Variants in CDIN1 observed in about 807,000 individuals in gnomAD.
CDIN1 encodes the protein CDAN1-interacting nuclease 1.
In CDIN1, 33 loss-of-function variants were observed where a neutral mutation model predicts 45.3. The ratio of observed to expected loss-of-function variants is 0.73; its 90% CI spans 0.55 to 0.97. The LOEUF is 0.97. Among genes scored for constraint, CDIN1 ranks in the 50% least tolerant of loss-of-function variants. CDIN1 has a pLI of 0.00. For missense variants in CDIN1, 303 were observed against 339.4 expected (o/e 0.89, Z 0.84); for synonymous variants, 118 against 124.4 (o/e 0.95, Z 0.34).
chr15:36,740,820 CG>C, intron 10 of CDIN1, among the ~76,000 whole-genome samples: 1 of 150,760 alleles, frequency 6.6e-6, no homozygotes, highest in Non-Finnish European at 1.5e-5. Context: ...ACCCAGGAGG[CG>C]GAGGTTACGG....
intron 10 of CDIN1, among the ~76,000 whole-genome samples, chr15:36,716,232 A>C (rs962626664): frequency 5.9e-5 from 9 of 152,208 alleles, no homozygotes; most frequent in South Asian, 4.1e-4. Flanking sequence ...GGACCAGACA[A>C]TTGTTGAGAG....
At chr15:36,763,408 T>A (rs2053828325) in intron 10 of CDIN1, among the ~76,000 whole-genome samples, 1 of 152,196 alleles carries the variant, frequency 6.6e-6, no homozygotes, top group African/African-American at 2.4e-5. Flanking sequence ...GAGTCAAGAT[T>A]ACATCCAGTT....
intron 10 of CDIN1, among the ~76,000 whole-genome samples, chr15:36,764,846 A>G (rs574791851): frequency 1.3e-5 from 2 of 152,268 alleles, no homozygotes; most frequent in East Asian, 1.9e-4. Flanking sequence ...GAACAGACAC[A>G]TGCCCTTCTT....
intron 1 of CDIN1, among the ~76,000 whole-genome samples, chr15:36,608,314 C>G (rs1466356822): frequency 6.6e-6 from 1 of 152,142 alleles, no homozygotes; most frequent in Non-Finnish European, 1.5e-5. Context: ...GTTTTAATTT[C>G]TCAGAATCAT....
intron 10 of CDIN1, among the ~76,000 whole-genome samples, chr15:36,761,886 G>T (rs775877459): frequency 3.7e-4 from 57 of 152,160 alleles, no homozygotes; most frequent in Non-Finnish European, 7.8e-4. Context: ...AATAGAGATT[G>T]CCACCAATTG....
chr15:36,626,431 C>G (rs907057729), intron 1 of CDIN1, among the ~76,000 whole-genome samples: 1 of 151,572 alleles, frequency 6.6e-6, no homozygotes, highest in Non-Finnish European at 1.5e-5. Flanking sequence ...TATAAAATAC[C>G]TAAGTTTCAA....
intron 4 of CDIN1, among the ~76,000 whole-genome samples, chr15:36,654,529 A>C (rs553090681): frequency 2.8e-4 from 43 of 151,880 alleles, no homozygotes; most frequent in African/African-American, 9.4e-4. Flanking sequence ...AAAAAAAAAA[A>C]AAACTGCTGT....
intron 5 of CDIN1, among the ~76,000 whole-genome samples, chr15:36,666,094 T>C (rs2041237705): frequency 6.6e-6 from 1 of 152,220 alleles, no homozygotes. Context: ...TGCCAAATTA[T>C]ATTGTATCTT....
intron 7 of CDIN1, 106 bp from the exon 8 acceptor site, chr15:36,697,217 A>G: frequency 1.2e-6 from 1 of 831,752 alleles, no homozygotes; most frequent in African/African-American, 1.7e-5. Context: ...TTCCTCCAAG[A>G]TGTGGACTAA....
intron 10 of CDIN1, among the ~76,000 whole-genome samples, chr15:36,788,244 G>C (rs2054557335): frequency 6.7e-6 from 1 of 150,294 alleles, no homozygotes; most frequent in Non-Finnish European, 1.5e-5. Context: ...AGCCTCCCGA[G>C]TAGCTGGGAT....
chr15:36,619,183 T>C (rs1396316137), intron 1 of CDIN1: 31 of 1,253,564 alleles, frequency 2.5e-5, no homozygotes, highest in Non-Finnish European at 3.5e-5. Flanking sequence ...GGAACAGAGA[T>C]GCCAGTTTAG....
intron 10 of CDIN1, among the ~76,000 whole-genome samples, chr15:36,790,962 T>A (rs2054629993): frequency 1.3e-5 from 2 of 152,192 alleles, no homozygotes; most frequent in African/African-American, 4.8e-5. Flanking sequence ...CTAAGCCTAG[T>A]ACCCAATAGT....
intron 10 of CDIN1, among the ~76,000 whole-genome samples, chr15:36,747,856 A>T (rs982008852): frequency 1.8e-4 from 27 of 152,180 alleles, no homozygotes; most frequent in Non-Finnish European, 5.9e-5. Flanking sequence ...TGCTGACCTA[A>T]TACAAGACCT....
In CDIN1 at chr15:36,732,480, C is replaced by A. The variant is rs528748738; in HGVS notation, c.716+22519C>A. 3.9e-5 allele frequency among the ~76,000 whole-genome samples: 6 copies of A among 152,130 alleles called. No individual in the cohort carries two copies. In the South Asian group the frequency reaches 8.3e-4, roughly 21 times the overall value. The stretch of plus-strand genomic sequence containing the variant: ...CCTAGAAATTATTAATTTTCTTAGG[C>A]ATGACAATGCCATTGTGGCATTATG... On this transcript the variant is annotated intron_variant, in intron 10 of 10. Coordinates refer to ENST00000566621, the MANE Select transcript of CDIN1 (RefSeq NM_001321759.2).
intron 3 of CDIN1, among the ~76,000 whole-genome samples, chr15:36,645,803 A>G (rs2040303745): frequency 6.6e-6 from 1 of 152,180 alleles, no homozygotes; most frequent in Admixed American, 6.6e-5. Flanking sequence ...ATTTGGAGAT[A>G]TATTGTAGTG....
chr15:36,580,112 T>G (rs1451738014), intron 1 of CDIN1, among the ~76,000 whole-genome samples, 151 bp downstream of exon 1: 1 of 152,198 alleles, frequency 6.6e-6, no homozygotes, highest in African/African-American at 2.4e-5. Context: ...GAAAAAAGGT[T>G]TATTCTTTCA....
At chr15:36,596,026 C>T (rs1177964717) in intron 1 of CDIN1, among the ~76,000 whole-genome samples, 4 of 152,124 alleles carry the variant, frequency 2.6e-5, no homozygotes, top group Non-Finnish European at 5.9e-5. Flanking sequence ...GCACTGCTTC[C>T]TCAAGTATTC....
intron 10 of CDIN1, among the ~76,000 whole-genome samples, chr15:36,727,244 A>G (rs1247520889): frequency 6.6e-6 from 1 of 152,006 alleles, no homozygotes; most frequent in African/African-American, 2.4e-5. Flanking sequence ...AGACAACATC[A>G]TAGCTTTAAC....
At chr15:36,617,316 T>G in intron 1 of CDIN1, 1 of 1,381,686 alleles carries the variant, frequency 7.2e-7, no homozygotes, top group African/African-American at 1.4e-5. Flanking sequence ...CTTTGTCTTG[T>G]GAAACCACAA....
Sources: gnomAD v4.1 joint callset for allele counts (sites outside exome capture counted in the v4.1 genomes callset) on GRCh38, gnomAD v4.1.1 for gene constraint, MANE v1.5 for transcripts, NCBI Gene and HGNC (gene_info 2026-07-23, HGNC 2026-07-21) for gene names.